MAN1A2: variants seen among roughly 807,000 people sequenced by gnomAD.
MAN1A2 encodes the protein mannosyl-oligosaccharide 1,2-alpha-mannosidase IB.
A neutral mutation model predicts 75.7 loss-of-function variants in MAN1A2; 26 were observed. That is an observed-to-expected ratio of 0.34 (90% CI 0.25 to 0.48). The LOEUF (loss-of-function observed/expected upper bound fraction) is 0.48, where lower values mean the gene tolerates loss of function less well. Among genes scored for constraint, MAN1A2 ranks in the 20% least tolerant of loss-of-function variants. The pLI is 0.99. For synonymous variants in MAN1A2, 247 were observed against 264.6 expected (o/e 0.93, Z 0.65); for missense variants, 562 against 775.5 (o/e 0.72, Z 3.27).
chr1:117,382,165 G>C (rs952610204), intron 1 of MAN1A2, among the ~76,000 whole-genome samples: 7 of 152,260 alleles, frequency 4.6e-5, no homozygotes, highest in African/African-American at 1.4e-4. Context: ...TTCTTTTGCT[G>C]TGCAGAAGCT....
rs1298638368 is a variant in MAN1A2, at chr1:117,526,878, C to CTATATA, written c.*3922_*3923insATATAT. 8.2e-4 allele frequency: 50 copies of CTATATA among 60,758 alleles called. No homozygotes were observed. Among genetic ancestry groups the CTATATA allele is most frequent in the Admixed American group, 2.0e-3 (11 of 5,534 alleles). 3.8% of individuals were successfully genotyped at this position (60,758 alleles called of 1,614,324 possible). On this transcript the variant is annotated 3_prime_UTR_variant, in exon 13 of 13. Coordinates refer to ENST00000356554, the MANE Select transcript of MAN1A2 (RefSeq NM_006699.5). ...TCTCTCTCTCTCTCTCTCTCTCTCT[C>CTATATA]TCTATATATATATATATATATATAT... is the stretch of plus-strand genomic sequence containing the variant.
intron 1 of MAN1A2, among the ~76,000 whole-genome samples, chr1:117,401,460 C>A (rs998104269): frequency 6.6e-6 from 1 of 152,134 alleles, no homozygotes; most frequent in East Asian, 1.9e-4. Context: ...CTCTTGTATT[C>A]ATTCCTGTGG....
At chr1:117,462,084 T>G (rs1379339215) in intron 7 of MAN1A2, among the ~76,000 whole-genome samples, 1 of 152,122 alleles carries the variant, frequency 6.6e-6, no homozygotes, top group Non-Finnish European at 1.5e-5. Context: ...TGGATTATAA[T>G]AGTTAATTCC....
chr1:117,381,604 G>T (rs1055680827), intron 1 of MAN1A2, among the ~76,000 whole-genome samples: 1 of 152,066 alleles, frequency 6.6e-6, no homozygotes, highest in African/African-American at 2.4e-5. Context: ...ATTTGGGTTG[G>T]TTCCAAGTCT....
At chr1:117,434,994 C>G (rs1051444821) in intron 5 of MAN1A2, among the ~76,000 whole-genome samples, 1 of 151,550 alleles carries the variant, frequency 6.6e-6, no homozygotes, top group Non-Finnish European at 1.5e-5. Context: ...GTTTTTGGTG[C>G]TAGATTGATG....
intron 4 of MAN1A2, among the ~76,000 whole-genome samples, chr1:117,417,532 T>TG: frequency 1.8e-5 from 2 of 113,110 alleles, no homozygotes; most frequent in Non-Finnish European, 3.4e-5. Context: ...TCCTTGAGTT[T>TG]AAATATATAT....
intron 10 of MAN1A2, among the ~76,000 whole-genome samples, chr1:117,498,111 T>C (rs1651088484): frequency 6.6e-6 from 1 of 151,852 alleles, no homozygotes; most frequent in Non-Finnish European, 1.5e-5. Flanking sequence ...GGTGAAGTAG[T>C]GTTATTTTAG....
At chr1:117,436,325 C>T (rs1648849133) in intron 5 of MAN1A2, among the ~76,000 whole-genome samples, 1 of 152,150 alleles carries the variant, frequency 6.6e-6, no homozygotes, top group Non-Finnish European at 1.5e-5. Flanking sequence ...GAAGCTGAAA[C>T]TCAGACCCCT....
chr1:117,514,217 G>T (rs1053103104), intron 12 of MAN1A2, among the ~76,000 whole-genome samples: 5 of 151,976 alleles, frequency 3.3e-5, no homozygotes, highest in Non-Finnish European at 7.4e-5. Context: ...ACAAAAATTA[G>T]CCGGGCATGG....
At chr1:117,430,025 TG>T (rs1208263110) in intron 5 of MAN1A2, among the ~76,000 whole-genome samples, 1 of 7,884 alleles carries the variant, frequency 1.3e-4, no homozygotes, top group African/African-American at 5.1e-4. Flanking sequence ...GCTGGCCGGG[TG>T]GGGGGCTGAC....
At chr1:117,378,816 A>G (rs1254945452) in intron 1 of MAN1A2, among the ~76,000 whole-genome samples, 1 of 152,014 alleles carries the variant, frequency 6.6e-6, no homozygotes, top group East Asian at 1.9e-4. Context: ...ATATTTATTG[A>G]CTATTTGAGT....
At chr1:117,427,969 A>G (rs1205558862) in intron 5 of MAN1A2, among the ~76,000 whole-genome samples, 1 of 152,242 alleles carries the variant, frequency 6.6e-6, no homozygotes, top group Non-Finnish European at 1.5e-5. Context: ...TTTTATATGA[A>G]GTTACACCAT....
chr1:117,454,187 GTAGTCTGTAACCAGGCCCA>G (rs1649508815), intron 6 of MAN1A2, among the ~76,000 whole-genome samples: 1 of 152,140 alleles, frequency 6.6e-6, no homozygotes, highest in African/African-American at 2.4e-5. Flanking sequence ...CTTTATGGAG[GTAGTCTGTAACCAGGCCCA>G]TAATATCTCT....
chr1:117,371,802 A>C (rs1652973384), intron 1 of MAN1A2, among the ~76,000 whole-genome samples: 1 of 151,766 alleles, frequency 6.6e-6, no homozygotes, highest in Admixed American at 6.6e-5. Context: ...AGGAGATTTC[A>C]TGTTAAAGTC....
rs12030644 is a variant in MAN1A2 at position 117,513,120 on chromosome 1, C to T, written c.1794-9705C>T. Among the ~76,000 whole-genome samples, 158 of 152,156 alleles carry T rather than the reference C, an allele frequency of 1.0e-3. 2 individuals carry two copies. The East Asian group carries it at 0.026, about 25-fold the overall frequency. ...TAATTTGGCAGTCAGTTCTACCCAC[C>T]CCCAAACTCTAATCTGCTTTCTGTC... On this transcript the variant is annotated intron_variant, in intron 12 of 12. Coordinates refer to ENST00000356554, the MANE Select transcript of MAN1A2 (RefSeq NM_006699.5).
Position 117,525,409 on chromosome 1 carries a change from T to A in MAN1A2, c.*2452T>A, listed in dbSNP as rs781321715. 5.5e-5 allele frequency: 13 copies of A among 236,052 alleles called. No homozygotes were observed. Among genetic ancestry groups the A allele is most frequent in the Non-Finnish European group, 1.0e-4 (12 of 115,062 alleles). The allele number at this position is 236,052 out of a possible 1,614,324, so 14.6% of individuals were successfully genotyped here. On this transcript the variant is annotated 3_prime_UTR_variant, in exon 13 of 13. Transcript: ENST00000356554. ...GATTTTTAAATTATTTCCTTCAAGATCAATTCTTATCCCATATAATGCTTA... is the reference window on the plus strand; with the variant it reads ...GATTTTTAAATTATTTCCTTCAAGAACAATTCTTATCCCATATAATGCTTA...
At chr1:117,423,637 G>A (rs1648266360) in intron 5 of MAN1A2, among the ~76,000 whole-genome samples, 2 of 151,724 alleles carry the variant, frequency 1.3e-5, no homozygotes. Context: ...ATTGTTCATT[G>A]TCAGTATATA....
At chr1:117,384,664 G>T (rs1415880824) in intron 1 of MAN1A2, among the ~76,000 whole-genome samples, 2 of 152,036 alleles carry the variant, frequency 1.3e-5, no homozygotes, top group East Asian at 3.8e-4. Flanking sequence ...GAAAATGGGG[G>T]TATTGAAGTT....
intron 3 of MAN1A2, among the ~76,000 whole-genome samples, chr1:117,414,469 T>C (rs1647922912): frequency 6.6e-6 from 1 of 151,358 alleles, no homozygotes; most frequent in South Asian, 2.1e-4. Flanking sequence ...TTTAGTAAAG[T>C]ACTATTTTTA....
Sources: gnomAD v4.1 joint callset for allele counts (sites outside exome capture counted in the v4.1 genomes callset) on GRCh38, gnomAD v4.1.1 for gene constraint, MANE v1.5 for transcripts, NCBI Gene and HGNC (gene_info 2026-07-23, HGNC 2026-07-21) for gene names.